The following CRISPLD2 variants were observed in gnomAD, a reference collection of about 807,000 sequenced individuals.
CRISPLD2 encodes the protein cysteine rich secretory protein LCCL domain containing 2, also known as cysteine-rich secretory protein LCCL domain-containing 2.
In CRISPLD2, 47 loss-of-function variants were observed where a neutral mutation model predicts 71.1. The observed-to-expected ratio is 0.66, with a 90% CI of 0.52 to 0.84. The LOEUF (loss-of-function observed/expected upper bound fraction) is 0.84. CRISPLD2 is among the 40% of genes least tolerant of loss of function. CRISPLD2 has a pLI of 0.00. For synonymous variants in CRISPLD2, 317 were observed against 250.1 expected, an observed-to-expected ratio of 1.27 and a Z score of -2.52; for missense variants, 830 against 651.1, an observed-to-expected ratio of 1.27 and a Z score of -2.99.
intron 2 of CRISPLD2, chr16:84,842,067 A>C (rs1916786663): frequency 6.6e-6 from 1 of 152,510 alleles, no homozygotes; most frequent in Non-Finnish European, 1.5e-5. Context: ...CCCATGGGTC[A>C]GGGCTACACT....
chr16:84,896,566 G>A (rs150951452), intron 14 of CRISPLD2, among the ~76,000 whole-genome samples: 43 of 152,176 alleles, frequency 2.8e-4, no homozygotes, highest in African/African-American at 1.0e-3. Context: ...TTGTAAAATA[G>A]GCCTGTGTTA....
At chr16:84,864,023 G>A (rs893101448) in intron 6 of CRISPLD2, among the ~76,000 whole-genome samples, 15 of 135,532 alleles carry the variant, frequency 1.1e-4, no homozygotes, top group African/African-American at 4.2e-4. Context: ...AAAGAAAAAT[G>A]CATGCCGGGG....
intron 8 of CRISPLD2, among the ~76,000 whole-genome samples, chr16:84,872,184 C>G (rs1232779949): frequency 6.6e-6 from 1 of 152,136 alleles, no homozygotes; most frequent in Non-Finnish European, 1.5e-5. Flanking sequence ...ATAAGGGACT[C>G]GAGCATCTGC....
At chr16:84,889,752 T>TTGTGTGTG (rs60555979) in intron 14 of CRISPLD2, among the ~76,000 whole-genome samples, 288 of 139,310 alleles carry the variant, frequency 2.1e-3, no homozygotes, top group South Asian at 0.019. Context: ...TTGTTTTTCT[T>TTGTGTGTG]TGTGTGTGTG....
At chr16:84,894,457 G>C (rs553634515) in intron 14 of CRISPLD2, among the ~76,000 whole-genome samples, 1 of 152,068 alleles carries the variant, frequency 6.6e-6, no homozygotes, top group Admixed American at 6.5e-5. Flanking sequence ...CATCTGAATC[G>C]CAAATTCATT....
intron 11 of CRISPLD2, among the ~76,000 whole-genome samples, chr16:84,874,948 A>C (rs1370080955): frequency 6.6e-6 from 1 of 152,194 alleles, no homozygotes; most frequent in African/African-American, 2.4e-5. Context: ...TTTCTTAAAT[A>C]ATTATGTGTC....
chr16:84,857,147 C>G (rs1012770362), intron 6 of CRISPLD2, among the ~76,000 whole-genome samples: 2 of 152,186 alleles, frequency 1.3e-5, no homozygotes, highest in Admixed American at 1.3e-4. Flanking sequence ...CAGCAGTGGC[C>G]ATAGCCAGGT....
chr16:84,897,084 C>T (rs1012422271), intron 14 of CRISPLD2, among the ~76,000 whole-genome samples: 2 of 152,222 alleles, frequency 1.3e-5, no homozygotes, highest in African/African-American at 4.8e-5. Flanking sequence ...GGAGGGAGCC[C>T]CGTGCTTCTG....
intron 14 of CRISPLD2, among the ~76,000 whole-genome samples, chr16:84,904,895 G>A (rs908445606): frequency 2.6e-5 from 4 of 152,206 alleles, no homozygotes; most frequent in Non-Finnish European, 5.9e-5. Context: ...ACCTTGGATG[G>A]TTTGCTAGAT....
At chr16:84,837,607 C>T (rs989635054) in intron 1 of CRISPLD2, among the ~76,000 whole-genome samples, 1 of 150,114 alleles carries the variant, frequency 6.7e-6, no homozygotes, top group Admixed American at 6.6e-5. Context: ...TTAGTAGAGA[C>T]AGGGTTTCAT....
intron 5 of CRISPLD2, among the ~76,000 whole-genome samples, chr16:84,852,565 G>A (rs775857441): frequency 8.5e-5 from 13 of 152,172 alleles, no homozygotes; most frequent in Non-Finnish European, 1.6e-4. Flanking sequence ...TGCTGTCCAT[G>A]GCCTCTGTCT....
intron 13 of CRISPLD2, among the ~76,000 whole-genome samples, chr16:84,882,685 A>G (rs920196478): frequency 3.3e-5 from 5 of 152,232 alleles, no homozygotes; most frequent in African/African-American, 7.2e-5. Flanking sequence ...GATTACCAAC[A>G]TGAGCCTCTG....
intron 14 of CRISPLD2, among the ~76,000 whole-genome samples, chr16:84,894,280 G>A (rs976880165): frequency 4.6e-5 from 7 of 152,172 alleles, no homozygotes; most frequent in Admixed American, 3.9e-4. Flanking sequence ...GGGAAATGCC[G>A]GACATCTGGG....
intron 13 of CRISPLD2, among the ~76,000 whole-genome samples, chr16:84,882,635 C>A (rs2071578845): frequency 6.6e-6 from 1 of 152,198 alleles, no homozygotes; most frequent in Admixed American, 6.5e-5. Flanking sequence ...GAACCCCTGA[C>A]CTCAGGTGAT....
At chr16:84,844,911 T>C (rs1916871148) in intron 2 of CRISPLD2, among the ~76,000 whole-genome samples, 1 of 152,140 alleles carries the variant, frequency 6.6e-6, no homozygotes, top group African/African-American at 2.4e-5. Context: ...GCCATGGACA[T>C]ACCCACATTA....
intron 1 of CRISPLD2, among the ~76,000 whole-genome samples, chr16:84,826,577 GC>G (rs1220607885): frequency 6.6e-6 from 1 of 151,502 alleles, no homozygotes; most frequent in East Asian, 2.0e-4. Context: ...CAGGCCTGCT[GC>G]CCACACAGCC....
Position 84,838,467 on chromosome 16 carries a change from A to G in CRISPLD2, c.-29A>G. The G allele has an allele frequency of 6.2e-7, 1 of 1,602,428 alleles. No individual in the cohort carries two copies. Among genetic ancestry groups the G allele is most frequent in the Non-Finnish European group, 8.5e-7 (1 of 1,171,864 alleles). On this transcript the variant is annotated 5_prime_UTR_variant, in exon 2 of 15. Coordinates refer to ENST00000262424, the MANE Select transcript of CRISPLD2 (RefSeq NM_031476.4). The stretch of plus-strand genomic sequence containing the variant: ...CCCGAGGAGCCCAGGCTGCCCCGTG[A>G]GTCCCATAGTTGCTGCAGGAGTGGA...
intron 8 of CRISPLD2, 95 bp from the exon 9 acceptor site, chr16:84,872,347 A>G: frequency 1.0e-6 from 1 of 1,004,814 alleles, no homozygotes; most frequent in Non-Finnish European, 1.6e-6. Flanking sequence ...TTCTATATTT[A>G]GTAATAGAGC....
At chr16:84,833,278 C>G in intron 1 of CRISPLD2, among the ~76,000 whole-genome samples, 1 of 152,144 alleles carries the variant, frequency 6.6e-6, no homozygotes, top group Non-Finnish European at 1.5e-5. Flanking sequence ...CCGTTCCCCT[C>G]CCAGCCTCTG....
Sources: allele counts gnomAD v4.1 joint callset (sites outside exome capture counted in the v4.1 genomes callset), GRCh38; gene constraint gnomAD v4.1.1; transcripts MANE v1.5; gene names NCBI Gene and HGNC (gene_info 2026-07-23, HGNC 2026-07-21).